Variants in SAMD12 observed in about 807,000 individuals in gnomAD.
SAMD12 encodes sterile alpha motif domain containing 12.
Under a neutral mutation model 15.0 loss-of-function variants are expected in SAMD12, and 9 were observed. That is an observed-to-expected ratio of 0.60 (90% CI 0.36 to 1.05). SAMD12 has a LOEUF of 1.05. Among genes scored for constraint, SAMD12 ranks in the 50% least tolerant of loss-of-function variants. The probability of loss-of-function intolerance (pLI) is 0.01; values close to 1 mark genes in which losing one functional copy is unlikely to be tolerated. For synonymous variants in SAMD12, 86 were observed against 90.1 expected (o/e 0.96, Z 0.25); for missense variants, 230 against 234.2 (o/e 0.98, Z 0.12).
At chr8:118,483,682 A>G (rs1824194893) in intron 2 of SAMD12, among the ~76,000 whole-genome samples, 1 of 152,200 alleles carries the variant, frequency 6.6e-6, no homozygotes, top group East Asian at 1.9e-4. Context: ...ACATGCATGA[A>G]GAAAGCACAC....
At chr8:118,534,219 T>C (rs541643472) in intron 2 of SAMD12, among the ~76,000 whole-genome samples, 1 of 152,290 alleles carries the variant, frequency 6.6e-6, no homozygotes, top group South Asian at 2.1e-4. Context: ...TTTGGCTGGA[T>C]ATGAAATTCT....
rs866705926 is a variant in SAMD12, at chr8:118,542,641, C to T, written c.192+38074G>A. ...CAAGGAAAGGTAATTTTATGACAAT[C>T]ACTTTTATGAGATTATATATAACTA... On this transcript the variant is annotated intron_variant, in intron 2 of 3. Transcript: ENST00000314727. 5.9e-5 allele frequency among the ~76,000 whole-genome samples: 9 copies of T among 152,196 alleles called. No individual in the cohort carries two copies. In the South Asian group the frequency reaches 1.9e-3, roughly 32 times the overall value.
chr8:118,308,626 A>G (rs1164147534), intron 4 of SAMD12, among the ~76,000 whole-genome samples: 1 of 152,176 alleles, frequency 6.6e-6, no homozygotes, highest in Non-Finnish European at 1.5e-5. Flanking sequence ...GAAAATAAAG[A>G]TGTCGAAAAG....
chr8:118,181,723 C>G, the SAMD12 span, among the ~76,000 whole-genome samples: 1 of 152,208 alleles, frequency 6.6e-6, no homozygotes, highest in Non-Finnish European at 1.5e-5. Flanking sequence ...AAATCTTTCT[C>G]TTTCTGTCTC....
chr8:118,314,789 C>G (rs1815805055), intron 4 of SAMD12, among the ~76,000 whole-genome samples: 5 of 152,204 alleles, frequency 3.3e-5, no homozygotes, highest in Middle Eastern at 3.4e-3. Flanking sequence ...CATCCTTACA[C>G]CCACTGAAGG....
At chr8:118,205,293 C>T (rs980955959) in intron 4 of SAMD12, among the ~76,000 whole-genome samples, 4 of 152,204 alleles carry the variant, frequency 2.6e-5, no homozygotes, top group Non-Finnish European at 4.4e-5. Context: ...ATTTATGCAT[C>T]TTATTAGTTC....
At chr8:118,605,762 C>T (rs1827967811) in intron 1 of SAMD12, among the ~76,000 whole-genome samples, 1 of 101,528 alleles carries the variant, frequency 9.8e-6, no homozygotes, top group Admixed American at 1.0e-4. Context: ...ACAAACCCAT[C>T]ACAATATATA....
chr8:118,438,685 A>T (rs768017487), intron 3 of SAMD12, among the ~76,000 whole-genome samples: 13 of 152,182 alleles, frequency 8.5e-5, no homozygotes, highest in Non-Finnish European at 1.8e-4. Context: ...CTTTCTGCTT[A>T]ACAAGTCCCT....
chr8:118,584,347 A>G (rs111491384), intron 1 of SAMD12, among the ~76,000 whole-genome samples: 1 of 152,216 alleles, frequency 6.6e-6, no homozygotes, highest in Non-Finnish European at 1.5e-5. Context: ...CATGACCTCC[A>G]TCTCTTTGCT....
At chr8:118,397,369 C>G (rs1820634320) in intron 3 of SAMD12, among the ~76,000 whole-genome samples, 2 of 152,056 alleles carry the variant, frequency 1.3e-5, no homozygotes, top group African/African-American at 4.8e-5. Context: ...GAATGAGATC[C>G]CAGAGAAGTA....
At chr8:118,614,432 T>G (rs1175793589) in intron 1 of SAMD12, among the ~76,000 whole-genome samples, 1 of 152,174 alleles carries the variant, frequency 6.6e-6, no homozygotes, top group East Asian at 1.9e-4. Context: ...GTTGCAGATC[T>G]TCCACATTTA....
chr8:118,176,250 G>A, the SAMD12 span, among the ~76,000 whole-genome samples: 9 of 152,074 alleles, frequency 5.9e-5, no homozygotes, highest in Non-Finnish European at 7.4e-5. Context: ...GCAGTGAGCC[G>A]AGATCGTGCC....
intron 3 of SAMD12, among the ~76,000 whole-genome samples, chr8:118,386,420 C>T (rs1010806617): frequency 2.0e-5 from 3 of 152,032 alleles, no homozygotes; most frequent in Admixed American, 2.0e-4. Context: ...GATTTGGGGC[C>T]CATCTGAACA....
Position 118,570,414 on chromosome 8 carries a change from T to C in SAMD12, c.192+10301A>G, listed in dbSNP as rs543396273. ...TGTGTTGTTCCCTTCTATATATCCATGTGTTCTCATGATTTAGCTCCCACT... is the reference window on the plus strand; with the variant it reads ...TGTGTTGTTCCCTTCTATATATCCACGTGTTCTCATGATTTAGCTCCCACT... On this transcript the variant is annotated intron_variant, in intron 2 of 3. Transcript: ENST00000314727. Among the ~76,000 whole-genome samples, 7 of 152,292 alleles carry C rather than the reference T, an allele frequency of 4.6e-5. No homozygotes were observed. In the South Asian group the frequency reaches 1.2e-3, roughly 27 times the overall value.
chr8:118,373,094 G>A (rs1819190732), downstream of SAMD12, among the ~76,000 whole-genome samples: 1 of 152,118 alleles, frequency 6.6e-6, no homozygotes, highest in African/African-American at 2.4e-5. Context: ...ATTCAACTGT[G>A]TGCATTTGCC....
intron 4 of SAMD12, among the ~76,000 whole-genome samples, chr8:118,252,414 G>A (rs1472756791): frequency 6.6e-6 from 1 of 152,132 alleles, no homozygotes; most frequent in African/African-American, 2.4e-5. Flanking sequence ...TGAGTGACTT[G>A]TCCGAGGTCC....
intron 4 of SAMD12, among the ~76,000 whole-genome samples, chr8:118,330,107 A>G (rs1314891749): frequency 6.6e-6 from 1 of 152,212 alleles, no homozygotes; most frequent in Non-Finnish European, 1.5e-5. Context: ...ATTCTGAAAG[A>G]AATAGAACAA....
At chr8:118,338,141 A>T (rs1817175611) in intron 4 of SAMD12, among the ~76,000 whole-genome samples, 1 of 152,230 alleles carries the variant, frequency 6.6e-6, no homozygotes, top group African/African-American at 2.4e-5. Context: ...AGGATAGCAG[A>T]TCACACAGAA....
intron 2 of SAMD12, among the ~76,000 whole-genome samples, chr8:118,462,413 AG>A: frequency 6.6e-6 from 1 of 152,206 alleles, no homozygotes; most frequent in Non-Finnish European, 1.5e-5. Context: ...ATTATATTTA[AG>A]GGACTGTGCA....
Sources: allele counts gnomAD v4.1 joint callset (sites outside exome capture counted in the v4.1 genomes callset), GRCh38; gene constraint gnomAD v4.1.1; transcripts MANE v1.5; gene names NCBI Gene and HGNC (gene_info 2026-07-23, HGNC 2026-07-21).